PAX9: variants seen among roughly 807,000 people sequenced by gnomAD.
The protein encoded by PAX9 is paired box protein Pax-9.
PAX9 carries 6 observed loss-of-function variants against 29.1 expected under a neutral mutation model. That is an observed-to-expected ratio of 0.21 (90% CI 0.11 to 0.41). The LOEUF (loss-of-function observed/expected upper bound fraction) is 0.41, where lower values mean the gene tolerates loss of function less well. Ranked by LOEUF, PAX9 falls within the 10% of genes least tolerant of loss-of-function variation. The pLI is 1.00. For missense variants in PAX9, 443 were observed against 479.1 expected (o/e 0.92, Z 0.70); for synonymous variants, 217 against 211.7 (o/e 1.03, Z -0.22).
chr14:36,672,489 T>G (rs943247073), intron 3 of PAX9, among the ~76,000 whole-genome samples: 1 of 152,212 alleles, frequency 6.6e-6, no homozygotes, highest in African/African-American at 2.4e-5. Flanking sequence ...TAACAATTAC[T>G]TGACCCAGTA....
At chr14:36,664,547 G>C (rs1323210545) in intron 2 of PAX9, among the ~76,000 whole-genome samples, 1 of 147,064 alleles carries the variant, frequency 6.8e-6, no homozygotes, top group Non-Finnish European at 1.5e-5. Flanking sequence ...CAGGAGACCT[G>C]AGTTTGTTTT....
chr14:36,670,064 GC>G (rs1881648778), intron 3 of PAX9, among the ~76,000 whole-genome samples: 1 of 151,956 alleles, frequency 6.6e-6, no homozygotes, highest in African/African-American at 2.4e-5. Flanking sequence ...GAATACATTT[GC>G]CCTTTTAGGA....
intron 1 of PAX9, 86 bp downstream of exon 1, chr14:36,662,179 A>G (rs1448031152): frequency 7.8e-7 from 1 of 1,287,766 alleles, no homozygotes; most frequent in Non-Finnish European, 1.0e-6. Context: ...AGGGAGCGCG[A>G]GGGCGCGCGC....
At chr14:36,660,075 T>G (rs1881201030), upstream of PAX9, among the ~76,000 whole-genome samples, 2 of 152,154 alleles carry the variant, frequency 1.3e-5, no homozygotes, top group African/African-American at 2.4e-5. Flanking sequence ...TCCTTCCTGG[T>G]CAAGTTGCCG....
upstream of PAX9, among the ~76,000 whole-genome samples, chr14:36,661,383 A>ATTCTACCTC (rs1311535547): frequency 1.3e-5 from 2 of 152,164 alleles, no homozygotes; most frequent in African/African-American, 4.8e-5. Context: ...GCATGGACTG[A>ATTCTACCTC]AGTGAGGTAG....
Position 36,679,294 on chromosome 14 carries a change from T to C in PAX9, c.*2842T>C, listed in dbSNP as rs141752368. ...TGTACAACAGAAGGCTATGTATGTA[T>C]ATACAGTATGTCAAAAGCCTTTTAT... is the stretch of plus-strand genomic sequence containing the variant. On this transcript the variant is annotated 3_prime_UTR_variant, in exon 4 of 4. Coordinates refer to ENST00000361487, the MANE Select transcript of PAX9 (RefSeq NM_001372076.1). 127 of 976,176 alleles carry C rather than the reference T, an allele frequency of 1.3e-4. No individual in the cohort carries two copies. In the East Asian group the frequency reaches 5.2e-3, roughly 40 times the overall value. The allele number at this position is 976,176 out of a possible 1,614,324, so 60.5% of individuals were successfully genotyped here.
chr14:36,662,904 C>G lies in PAX9; in HGVS notation c.12C>G (p.Ala4=). Residue 4 remains alanine, a synonymous_variant, in exon 2 of 4, where the codon GCC becomes GCG. Transcript: ENST00000361487. MEP[A]FGEVNQLGGV... ...TGTGTGTTCATTTTGCAGAGCCAGC[C>G]TTCGGGGAGGTGAACCAGCTGGGAG... 6.2e-7 allele frequency: 1 copy of G among 1,611,634 alleles called. No individual in the cohort carries two copies. The highest frequency in any genetic ancestry group is 8.5e-7 in the Non-Finnish European group (1 of 1,178,766).
At chr14:36,666,300 A>C in intron 2 of PAX9, 162 bp from the exon 3 acceptor site, 1 of 805,312 alleles carries the variant, frequency 1.2e-6, no homozygotes, top group Non-Finnish European at 1.9e-6. Flanking sequence ...GGCTGGAAGC[A>C]CAGGAGGTCG....
chr14:36,663,287 G>A lies in PAX9; in HGVS notation c.395G>A (p.Gly132Asp). Residue 132 changes from glycine to aspartate, a missense_variant, in exon 2 of 4, where the codon GGC (glycine) becomes GAC (aspartate). Physicochemically the swap from Gly to Asp is moderately conservative, Grantham distance 94. Transcript: ENST00000361487. ...SISRILRNKI[G>D]NLAQQGHYDS... Reference sequence around the variant, plus strand: ...AGCCGCATTCTGCGCAACAAGATCGGCAACTTGGCCCAGCAGGGTCATTAC... The same window carrying A: ...AGCCGCATTCTGCGCAACAAGATCGACAACTTGGCCCAGCAGGGTCATTAC... 1 of 1,614,186 alleles carries A rather than the reference G, an allele frequency of 6.2e-7. No homozygotes were observed. Among genetic ancestry groups the A allele is most frequent in the Non-Finnish European group, 8.5e-7 (1 of 1,180,042 alleles).
At position 36,663,926 on chromosome 14, in the gene PAX9, C is replaced by T. The variant is rs528724320; in HGVS notation, c.631+403C>T. 5.3e-5 allele frequency among the ~76,000 whole-genome samples: 8 copies of T among 152,356 alleles called. No individual in the cohort carries two copies. In the East Asian group the frequency reaches 1.5e-3, roughly 29 times the overall value. ...TTGGGGCTGCCGGCTGCAGACTCCG[C>T]TGTGGGCAGAGCAGCTTGCTTGGGG... On this transcript the variant is annotated intron_variant, in intron 2 of 3. Transcript: ENST00000361487.
rs188638197 is a variant in PAX9, at chr14:36,676,464, G to A, written c.*12G>A. On this transcript the variant is annotated 3_prime_UTR_variant, in exon 4 of 4. Coordinates refer to ENST00000361487, the MANE Select transcript of PAX9 (RefSeq NM_001372076.1). ...CTTCCGCGCTCTGATGGGAAATTCC[G>A]TCTCCAGCAGCTTCACCCGGGTCTC... 1.4e-5 allele frequency: 23 copies of A among 1,610,672 alleles called. No homozygotes were observed. Among genetic ancestry groups the A allele is most frequent in the Non-Finnish European group, 1.8e-5 (21 of 1,180,008 alleles).
intron 3 of PAX9, 117 bp downstream of exon 3, chr14:36,666,718 C>T (rs914921146): frequency 6.9e-5 from 91 of 1,326,390 alleles, no homozygotes; most frequent in Non-Finnish European, 5.7e-5. Context: ...GGCTGGCGTC[C>T]CTTTGCTGCT....
intron 3 of PAX9, among the ~76,000 whole-genome samples, chr14:36,668,392 T>C (rs1331717870): frequency 1.3e-5 from 2 of 151,654 alleles, no homozygotes; most frequent in Non-Finnish European, 2.9e-5. Flanking sequence ...ATACTTATTA[T>C]TTATTTATTT....
Position 36,678,519 on chromosome 14 carries a change from A to G in PAX9, c.*2067A>G, listed in dbSNP as rs1431818710. 1 of 1,537,028 alleles carries G rather than the reference A, an allele frequency of 6.5e-7. No individual in the cohort carries two copies. Among genetic ancestry groups the G allele is most frequent in the Non-Finnish European group, 8.7e-7 (1 of 1,146,772 alleles). Reference sequence around the variant, plus strand: ...AAATAGACTATAAACTGAATGGAACAAAGATCCAATCCAATATTTTGGTGG... The same window carrying G: ...AAATAGACTATAAACTGAATGGAACGAAGATCCAATCCAATATTTTGGTGG... On this transcript the variant is annotated 3_prime_UTR_variant, in exon 4 of 4. Transcript: ENST00000361487.
intron 3 of PAX9, among the ~76,000 whole-genome samples, chr14:36,672,889 A>G (rs1881746998): frequency 4.6e-5 from 1 of 21,910 alleles, no homozygotes; most frequent in Non-Finnish European, 1.3e-4. Flanking sequence ...TTTTGAGATG[A>G]AGTCTCACTC....
At chr14:36,664,973 A>G (rs944007964) in intron 2 of PAX9, among the ~76,000 whole-genome samples, 1 of 152,130 alleles carries the variant, frequency 6.6e-6, no homozygotes, top group African/African-American at 2.4e-5. Context: ...TGTTCATGGG[A>G]AAGTGTGAGA....
rs750103947 is a variant in PAX9, at chr14:36,663,391, ACGG to A, written c.507_509del (p.Ala171del). On this transcript the variant is annotated inframe_deletion, in exon 2 of 4. Transcript: ENST00000361487. ...CATCTACTCGTACCCCAGCCCTATC[ACGG>A]CGGCGGCCGCCAAGGTGCCCACGCC... 6.2e-7 allele frequency: 1 copy of A among 1,613,370 alleles called. No homozygotes were observed. Among genetic ancestry groups the A allele is most frequent in the Admixed American group, 1.7e-5 (1 of 60,010 alleles).
upstream of PAX9, chr14:36,661,769 C>T (rs780901065): frequency 6.3e-6 from 3 of 478,930 alleles, no homozygotes; most frequent in Non-Finnish European, 1.1e-5. Flanking sequence ...GCTCACCGAC[C>T]CGCACCAATC....
At chr14:36,662,601 T>A (rs1258740259) in intron 1 of PAX9, 5 of 504,430 alleles carry the variant, frequency 9.9e-6, no homozygotes, top group Non-Finnish European at 1.1e-5. Context: ...TCAAGACCGA[T>A]TTCTCCCCCT....
Sources: gnomAD v4.1 joint callset for allele counts (sites outside exome capture counted in the v4.1 genomes callset) on GRCh38, gnomAD v4.1.1 for gene constraint, MANE v1.5 for transcripts, NCBI Gene and HGNC (gene_info 2026-07-23, HGNC 2026-07-21) for gene names.